Variants in KLK13 observed in about 807,000 individuals in gnomAD.
KLK13 encodes kallikrein related peptidase 13.
A neutral mutation model predicts 22.4 loss-of-function variants in KLK13; 19 were observed. The observed-to-expected ratio is 0.85, with a 90% confidence interval of 0.59 to 1.24. KLK13 has a LOEUF of 1.24. Ranked by LOEUF, KLK13 falls within the 50% of genes most tolerant of loss-of-function variation. KLK13 has a pLI of 0.00. For missense variants in KLK13, 311 were observed against 347.9 expected (o/e 0.89, Z 0.84); for synonymous variants, 156 against 141.8 (o/e 1.10, Z -0.71).
Position 51,060,573 on chromosome 19 carries a change from A to C in KLK13, c.99T>G (p.Ser33Arg). 8.7e-6 allele frequency: 14 copies of C among 1,613,362 alleles called. No individual in the cohort carries two copies. The highest frequency in any genetic ancestry group is 1.1e-5 in the Non-Finnish European group (13 of 1,179,606). Residue 33 changes from serine (S) to arginine (R), a missense_variant, in exon 2 of 5, where the codon AGT becomes AGG. Transcript: ENST00000595793. ...SSKVLNTNGTSGFLPGGYTCF... is the reference protein window; with the variant it reads ...SSKVLNTNGTRGFLPGGYTCF... The stretch of plus-strand genomic sequence containing the variant: ...AGGTGTAGCCACCTGGGAGAAACCC[A>C]CTGGTCCCATTGGTGTTGAGAACCT...
At chr19:51,065,355 C>T (rs997828485), upstream of KLK13, among the ~76,000 whole-genome samples, 1 of 152,108 alleles carries the variant, frequency 6.6e-6, no homozygotes, top group Non-Finnish European at 1.5e-5. Flanking sequence ...TGCCCTCTGG[C>T]GAGCTGGGTG....
chr19:51,059,744 C>T (rs1363456220), intron 3 of KLK13, 81 bp downstream of exon 3: 1 of 1,206,492 alleles, frequency 8.3e-7, no homozygotes, highest in East Asian at 2.8e-5. Flanking sequence ...AAGGAACCTA[C>T]CTCAGACCTT....
intron 1 of KLK13, chr19:51,064,546 C>G: frequency 2.2e-6 from 1 of 463,592 alleles, no homozygotes; most frequent in Non-Finnish European, 4.3e-6. Context: ...GGCTAAGTGG[C>G]TAACTTTCAA....
rs145980388 is a variant in KLK13 at position 51,060,905 on chromosome 19, T to G, written c.53-286A>C. On this transcript the variant is annotated intron_variant, in intron 1 of 4. Transcript: ENST00000595793. Reference sequence around the variant, plus strand: ...TGATAGGTAAGCAGGAGCCTGACTTTCTCTCCACATGCATTTTTTATATCA... The same window carrying G: ...TGATAGGTAAGCAGGAGCCTGACTTGCTCTCCACATGCATTTTTTATATCA... Among the ~76,000 whole-genome samples, 111 of 152,100 alleles carry G rather than the reference T, an allele frequency of 7.3e-4. 3 individuals carry two copies. The highest frequency in any genetic ancestry group is 2.7e-3 in the African/African-American group (110 of 41,472).
In KLK13 at chr19:51,060,414, TC is replaced by T; in HGVS notation, c.239+18del. 1.3e-6 allele frequency: 2 copies of T among 1,550,080 alleles called. No individual in the cohort carries two copies. Among genetic ancestry groups the T allele is most frequent in the Admixed American group, 1.9e-5 (1 of 51,416 alleles). On this transcript the variant is annotated intron_variant, in intron 2 of 4. Transcript: ENST00000595793. ...TCCCATTCTCATCCCTACCCCATGC[TC>T]CCCCGGCCCCCACATACTCCTTTAG...
intron 3 of KLK13, chr19:51,059,523 G>A (rs529150387): frequency 8.0e-4 from 129 of 160,424 alleles, no homozygotes; most frequent in African/African-American, 2.9e-3. Flanking sequence ...CATTTAATTT[G>A]TATACTTTTT....
At chr19:51,064,774 G>A (rs1720660839) in intron 1 of KLK13, 1 of 628,256 alleles carries the variant, frequency 1.6e-6, no homozygotes, top group Non-Finnish European at 2.9e-6. Context: ...CCTTGAACGC[G>A]GGAGGGGCTG....
chr19:51,058,767 T>C (rs1271696311), intron 3 of KLK13, 93 bp from the exon 4 acceptor site: 3 of 1,250,026 alleles, frequency 2.4e-6, no homozygotes, highest in South Asian at 1.3e-5. Context: ...AAAGAGTAGA[T>C]AGAAAATTGA....
At chr19:51,059,677 G>T (rs1353513659) in intron 3 of KLK13, 148 bp downstream of exon 3, 1 of 421,592 alleles carries the variant, frequency 2.4e-6, no homozygotes, top group African/African-American at 2.1e-5. Flanking sequence ...TTTATATAAA[G>T]GATACAGCTA....
chr19:51,060,570 C>G lies in KLK13; in HGVS notation c.102G>C (p.Gly34=). Residue 34 remains glycine (G), a synonymous_variant, in exon 2 of 5, where the codon GGG becomes GGC. Transcript: ENST00000595793. ...SKVLNTNGTS[G]FLPGGYTCFP... is the part of the protein sequence containing the mutation. ...AGCAGGTGTAGCCACCTGGGAGAAA[C>G]CCACTGGTCCCATTGGTGTTGAGAA... The G allele has an allele frequency of 1.2e-6, 2 of 1,613,390 alleles. No individual in the cohort carries two copies. The highest frequency in any genetic ancestry group is 1.7e-6 in the Non-Finnish European group (2 of 1,179,614).
chr19:51,065,244 A>T (rs896784298), upstream of KLK13: 2 of 520,204 alleles, frequency 3.8e-6, no homozygotes, highest in East Asian at 3.4e-5. Flanking sequence ...CTCCAATTCC[A>T]TCCTTGGTGG....
intron 4 of KLK13, 28 bp from the exon 5 acceptor site, chr19:51,056,803 A>G: frequency 1.9e-6 from 3 of 1,576,304 alleles, no homozygotes; most frequent in Non-Finnish European, 2.6e-6. Context: ...AGAGAGAGAG[A>G]GGTGGGTCCT....
In KLK13 at chr19:51,058,550, T is replaced by C. The variant is rs145670179; in HGVS notation, c.633A>G (p.Lys211=). Residue 211 remains lysine (K), a synonymous_variant, in exon 4 of 5, where the codon AAA becomes AAG. Transcript: ENST00000595793. The part of the protein sequence containing the change: ...MLCAGTKEGG[K]DSCEGDSGGP... ...CTCCCGGCCTCACCTCACAGGAGTC[T>C]TTGCCACCCTCTTTTGTGCCGGCAC... is the stretch of plus-strand genomic sequence containing the variant. The C allele has an allele frequency of 1.5e-4, 236 of 1,614,166 alleles. 3 individuals carry two copies. In the African/African-American group the frequency reaches 2.8e-3, roughly 19 times the overall value.
chr19:51,056,792 AAG>A lies in KLK13; in HGVS notation c.646-19_646-18del, dbSNP rs746704211. 1.3e-4 allele frequency: 213 copies of A among 1,603,232 alleles called. No homozygotes were observed. Among genetic ancestry groups the A allele is most frequent in the Non-Finnish European group, 1.5e-4 (180 of 1,172,022 alleles). On this transcript the variant is annotated intron_variant, in intron 4 of 4. Coordinates refer to ENST00000595793, the MANE Select transcript of KLK13 (RefSeq NM_015596.3). ...AGAGTCACCCTGAGTTGGGGAAAGA[AAG>A]AGAGAGAGAGGTGGGTCCTTGCTGG...
At chr19:51,064,587 C>G (rs1173576083) in intron 1 of KLK13, 1 of 511,918 alleles carries the variant, frequency 2.0e-6, no homozygotes. Context: ...ACTGAAGGCT[C>G]GACGCATTAC....
chr19:51,061,957 G>C (rs970198685), intron 1 of KLK13, among the ~76,000 whole-genome samples: 1 of 151,824 alleles, frequency 6.6e-6, no homozygotes, highest in Non-Finnish European at 1.5e-5. Flanking sequence ...AATCATCTTG[G>C]ATGCCCCCAT....
rs184492509 is a variant in KLK13, at chr19:51,058,443, C to T, written c.645+95G>A. On this transcript the variant is annotated intron_variant, in intron 4 of 4. Transcript: ENST00000595793. The stretch of plus-strand genomic sequence containing the variant: ...ATTGTATCTTATAAAGATTGGTTCC[C>T]CTAAGGCTGGAAACAAAGCTTTTTC... 1.1e-3 allele frequency: 1,690 copies of T among 1,478,264 alleles called. 28 individuals are homozygous for T. The Admixed American group carries it at 0.026, about 23-fold the overall frequency. 91.6% of individuals were successfully genotyped at this position (1,478,264 alleles called of 1,614,324 possible).
intron 1 of KLK13, chr19:51,064,524 TA>T (rs1456377512): frequency 1.1e-5 from 4 of 379,668 alleles, no homozygotes; most frequent in Non-Finnish European, 2.0e-5. Flanking sequence ...ATACTACTAA[TA>T]AAGTAATAAC....
intron 1 of KLK13, chr19:51,064,510 AGGAATACTACTAAT>A: frequency 2.8e-6 from 1 of 355,476 alleles, no homozygotes; most frequent in Non-Finnish European, 5.5e-6. Context: ...AAAAAAAAAA[AGGAATACTACTAAT>A]AAAGTAATAA....
Sources: allele counts gnomAD v4.1 joint callset (sites outside exome capture counted in the v4.1 genomes callset), GRCh38; gene constraint gnomAD v4.1.1; transcripts MANE v1.5; gene names NCBI Gene and HGNC (gene_info 2026-07-23, HGNC 2026-07-21).